The following RAD54L2 variants were observed in gnomAD, a reference collection of about 807,000 sequenced individuals.
RAD54L2 encodes RAD54 like 2.
In RAD54L2, 27 loss-of-function variants were observed where a neutral mutation model predicts 138.4. The observed-to-expected ratio is 0.20, with a 90% CI of 0.14 to 0.27. The LOEUF is 0.27. Ranked by LOEUF, RAD54L2 falls within the 10% of genes least tolerant of loss-of-function variation. RAD54L2 has a pLI of 1.00. For missense variants in RAD54L2, 1,396 were observed against 1,890.2 expected (o/e 0.74, Z 4.85); for synonymous variants, 644 against 723.2 (o/e 0.89, Z 1.76).
chr3:51,547,191 A>T (rs1698719036), intron 2 of RAD54L2, among the ~76,000 whole-genome samples: 1 of 152,128 alleles, frequency 6.6e-6, no homozygotes, highest in Non-Finnish European at 1.5e-5. Context: ...CTACAAAAAA[A>T]TTAAATAAAA....
intron 21 of RAD54L2, 87 bp downstream of exon 21, chr3:51,657,756 G>C (rs1273827735): frequency 1.1e-6 from 1 of 926,832 alleles, no homozygotes; most frequent in Non-Finnish European, 1.7e-6. Context: ...ACTTGAGCTA[G>C]ACGGGTCATA....
intron 3 of RAD54L2, among the ~76,000 whole-genome samples, chr3:51,602,111 C>T (rs1406313530): frequency 6.6e-6 from 1 of 152,130 alleles, no homozygotes. Context: ...GGATTAAAGA[C>T]GTGAGCCACC....
At chr3:51,610,415 C>A (rs973769777) in intron 3 of RAD54L2, among the ~76,000 whole-genome samples, 3 of 151,884 alleles carry the variant, frequency 2.0e-5, no homozygotes, top group Admixed American at 2.0e-4. Flanking sequence ...ACCAGCCTGG[C>A]CAACATGGTG....
intron 2 of RAD54L2, among the ~76,000 whole-genome samples, chr3:51,582,712 G>A (rs925604686): frequency 3.3e-5 from 5 of 151,756 alleles, no homozygotes; most frequent in African/African-American, 9.7e-5. Context: ...GAATAATCCT[G>A]TAGGGGTGTG....
In RAD54L2 at chr3:51,662,766, C is replaced by T. The variant is rs1701814632; in HGVS notation, c.3750C>T (p.Asp1250=). ...GTGGTGACAGGCACCCAGTGCTGGA[C>T]TTAAGGGGCCACAAGCGAAAGTTGG... The part of the protein sequence containing the change: ...QPCGDRHPVL[D]LRGHKRKLAT... The change falls in exon 23 of 23, where the codon GAC becomes GAT. Residue 1250 remains aspartate (D), a synonymous_variant. Coordinates refer to ENST00000684192, the MANE Select transcript of RAD54L2 (RefSeq NM_015106.4). This position sits in a 1 kb window ranked among gnomAD's most constrained non-coding sequence, Gnocchi z 4.6. 1.9e-6 allele frequency: 3 copies of T among 1,611,676 alleles called. No homozygotes were observed. Among genetic ancestry groups the T allele is most frequent in the Non-Finnish European group, 2.5e-6 (3 of 1,178,868 alleles).
At position 51,629,470 on chromosome 3, in the gene RAD54L2, C is replaced by T. The variant is rs1396731139; in HGVS notation, c.478C>T (p.Pro160Ser). 1.2e-6 allele frequency: 2 copies of T among 1,612,470 alleles called. No individual in the cohort carries two copies. Among genetic ancestry groups the T allele is most frequent in the East Asian group, 4.5e-5 (2 of 44,822 alleles). ...PIPTVPLEFL[P>S]EEIALRASDG... ...TCCTACTGTTCCGCTGGAGTTCCTC[C>T]CTGGTAAGCAGTGGACATGGCAGGG... The change falls in exon 5 of 23, where the codon CCT (proline) becomes TCT (serine). Residue 160 changes from proline to serine, a missense_variant. Pro to Ser is a moderately conservative substitution (Grantham distance 74). Around this residue, in one of 7 missense-constraint regions of RAD54L2, gnomAD observed 256 missense variants for 344.6 expected, o/e 0.74. Transcript: ENST00000684192.
chr3:51,563,164 T>C (rs1334955887), intron 2 of RAD54L2, among the ~76,000 whole-genome samples: 4 of 152,156 alleles, frequency 2.6e-5, no homozygotes, highest in Admixed American at 6.6e-5. Context: ...GATGTGACTC[T>C]CTAGAATTAG....
At chr3:51,656,755 AT>A (rs953076625) in intron 20 of RAD54L2, among the ~76,000 whole-genome samples, 47 of 146,836 alleles carry the variant, frequency 3.2e-4, no homozygotes, top group South Asian at 4.3e-4. Flanking sequence ...ATTGATTATT[AT>A]TTTTTTTTTT....
intron 19 of RAD54L2, among the ~76,000 whole-genome samples, chr3:51,647,829 A>G (rs1433919021): frequency 6.6e-6 from 1 of 151,934 alleles, no homozygotes; most frequent in Non-Finnish European, 1.5e-5. Flanking sequence ...TTTTTTCCTT[A>G]CTAAGACTCT....
chr3:51,655,017 C>G (rs1436887656), intron 19 of RAD54L2, among the ~76,000 whole-genome samples: 2 of 152,154 alleles, frequency 1.3e-5, no homozygotes, highest in Admixed American at 6.5e-5. Flanking sequence ...CCAGATAGCA[C>G]AGGTCTGGGG....
intron 2 of RAD54L2, among the ~76,000 whole-genome samples, chr3:51,555,702 G>A (rs139556251): frequency 3.2e-4 from 48 of 152,300 alleles, no homozygotes; most frequent in African/African-American, 9.6e-4. Context: ...TGTTGAAACC[G>A]TGCCTTGGGC....
chr3:51,545,634 C>T (rs1055862090), intron 2 of RAD54L2, among the ~76,000 whole-genome samples: 5 of 151,916 alleles, frequency 3.3e-5, no homozygotes, highest in East Asian at 1.9e-4. Flanking sequence ...AGAGTAAGTA[C>T]AGTGGCATGA....
chr3:51,643,048 T>C (rs1218716374), intron 15 of RAD54L2, among the ~76,000 whole-genome samples: 4 of 150,330 alleles, frequency 2.7e-5, no homozygotes, highest in Non-Finnish European at 4.4e-5. Context: ...TTTTTTTTTT[T>C]TTTTTGAGAC....
chr3:51,635,684 C>T lies in RAD54L2; in HGVS notation c.1234C>T (p.Leu412=), dbSNP rs1700967581. ...MGYEMYRLLT[L]KKSFATGRPK... ...GTACGAGATGTACAGACTCCTCACT[C>T]TGAAGAAATCATTTGCCACAGGTAG... The change falls in exon 10 of 23, where the codon CTG becomes TTG. Residue 412 remains leucine (L), a synonymous_variant. Coordinates refer to ENST00000684192, the MANE Select transcript of RAD54L2 (RefSeq NM_015106.4). 1 of 1,613,768 alleles carries T rather than the reference C, an allele frequency of 6.2e-7. No individual in the cohort carries two copies. The highest frequency in any genetic ancestry group is 1.3e-5 in the African/African-American group (1 of 74,894).
At position 51,627,540 on chromosome 3, in the gene RAD54L2, C is replaced by T. The variant is rs1457962092; in HGVS notation, c.140-13C>T. ...ACCCCTATAAAGCAATGTCTTTCCC[C>T]TTGTTTTTTCAGACCCATCCCTGGA... On this transcript the variant is annotated splice_polypyrimidine_tract_variant and intron_variant, in intron 3 of 22. Coordinates refer to ENST00000684192, the MANE Select transcript of RAD54L2 (RefSeq NM_015106.4). The T allele has an allele frequency of 6.5e-7, 1 of 1,549,494 alleles. No homozygotes were observed. The highest frequency in any genetic ancestry group is 8.7e-7 in the Non-Finnish European group (1 of 1,146,588).
At chr3:51,605,555 C>T (rs573618245) in intron 3 of RAD54L2, among the ~76,000 whole-genome samples, 6 of 142,878 alleles carry the variant, frequency 4.2e-5, no homozygotes, top group South Asian at 2.2e-4. Context: ...CAGGTTGCAG[C>T]GATTCTCCTG....
intron 2 of RAD54L2, among the ~76,000 whole-genome samples, chr3:51,590,127 A>G (rs1283698944): frequency 1.3e-5 from 2 of 152,066 alleles, no homozygotes; most frequent in African/African-American, 4.8e-5. Context: ...AGTAGCTGGG[A>G]TTACAGGTGT....
chr3:51,590,358 C>T lies in RAD54L2; in HGVS notation c.-54-9C>T, dbSNP rs938267892. On this transcript the variant is annotated splice_polypyrimidine_tract_variant and intron_variant, in intron 2 of 22. Transcript: ENST00000684192. ...CTTGGTGATTCTGATGCCTTTCATC[C>T]TCTCCTAGCACCCCTGCAGTGGACC... 1 of 1,445,168 alleles carries T rather than the reference C, an allele frequency of 6.9e-7. No individual in the cohort carries two copies. Among genetic ancestry groups the T allele is most frequent in the South Asian group, 1.5e-5 (1 of 67,082 alleles). The allele number at this position is 1,445,168 out of a possible 1,614,324, so 89.5% of individuals were successfully genotyped here. A position where few individuals can be genotyped will look rare whatever the true frequency, so the allele number is the denominator to read the frequency against.
Position 51,660,044 on chromosome 3 carries a change from G to C in RAD54L2, c.3335G>C (p.Ser1112Thr). ...TTCTTAGGGACGTACATCCGTACCA[G>C]TGATGGACGGATCTTTGCTGTCCGG... is the stretch of plus-strand genomic sequence containing the variant. ...RGTKGTYIRT[S>T]DGRIFAVRAT... The change falls in exon 22 of 23, where the codon AGT becomes ACT. Residue 1112 changes from serine to threonine, a missense_variant. By Grantham distance (58) the Ser-to-Thr change is moderately conservative. Transcript: ENST00000684192. 5 of 1,594,224 alleles carry C rather than the reference G, an allele frequency of 3.1e-6. No homozygotes were observed. Among genetic ancestry groups the C allele is most frequent in the Non-Finnish European group, 4.3e-6 (5 of 1,163,950 alleles).
Sources: gnomAD v4.1 joint callset for allele counts (sites outside exome capture counted in the v4.1 genomes callset) on GRCh38, gnomAD v4.1.1 for gene constraint, gnomAD v4.1.1 regional missense constraint, Gnocchi (gnomAD v3.1) non-coding constraint, MANE v1.5 for transcripts, NCBI Gene and HGNC (gene_info 2026-07-23, HGNC 2026-07-21) for gene names.